The following C12orf42 variants were observed in gnomAD, a reference collection of about 807,000 sequenced individuals.
C12orf42 encodes the protein uncharacterized protein C12orf42.
Under a neutral mutation model 21.6 loss-of-function variants are expected in C12orf42, and 25 were observed. The ratio of observed to expected loss-of-function variants is 1.16; its 90% CI spans 0.84 to 1.62. The LOEUF is 1.62. Among genes scored for constraint, C12orf42 ranks in the 40% most tolerant of loss-of-function variants. The pLI is 0.00. For synonymous variants in C12orf42, 174 were observed against 175.0 expected, an observed-to-expected ratio of 0.99 and a Z score of 0.05; for missense variants, 483 against 459.3, an observed-to-expected ratio of 1.05 and a Z score of -0.47.
chr12:103,365,259 T>A (rs188190058), intron 4 of C12orf42, among the ~76,000 whole-genome samples: 34 of 152,168 alleles, frequency 2.2e-4, no homozygotes, highest in Non-Finnish European at 2.1e-4. Flanking sequence ...AAAAAGCATT[T>A]GACAAAATCC....
the C12orf42 span, among the ~76,000 whole-genome samples, chr12:103,537,911 A>C: frequency 1.3e-5 from 2 of 152,250 alleles, no homozygotes; most frequent in Non-Finnish European, 2.9e-5. Context: ...TATCTTAAAA[A>C]GGGAGATTTG....
intron 2 of C12orf42, among the ~76,000 whole-genome samples, chr12:103,469,869 A>C (rs1241956260): frequency 6.6e-6 from 1 of 152,262 alleles, no homozygotes; most frequent in Non-Finnish European, 1.5e-5. Flanking sequence ...TTGACTGGTA[A>C]AATGACAGAT....
Position 103,306,266 on chromosome 12 carries a change from A to C in C12orf42, c.339T>G (p.Ser113=). The change falls in exon 5 of 6, where the codon TCT becomes TCG. Residue 113 remains serine, a synonymous_variant. Coordinates refer to ENST00000548883, the MANE Select transcript of C12orf42 (RefSeq NM_198521.5). The part of the protein sequence containing the change: ...HTCQYIVPRC[S]VSTVSFDEES... ...CTTCATCAAAAGAAACTGTGCTTAC[A>C]GAACACCTGGGGACTATGTACTGGC... is the stretch of plus-strand genomic sequence containing the variant. The C allele has an allele frequency of 6.2e-7, 1 of 1,613,858 alleles. No homozygotes were observed. The highest frequency in any genetic ancestry group is 8.5e-7 in the Non-Finnish European group (1 of 1,179,842).
At chr12:103,509,181 G>A in the C12orf42 span, among the ~76,000 whole-genome samples, 1 of 152,018 alleles carries the variant, frequency 6.6e-6, no homozygotes, top group Admixed American at 6.6e-5. Flanking sequence ...TTCACACCAG[G>A]GTTTCCTCAT....
chr12:103,470,006 C>A (rs951567462), intron 2 of C12orf42, among the ~76,000 whole-genome samples: 1 of 152,196 alleles, frequency 6.6e-6, no homozygotes, highest in Non-Finnish European at 1.5e-5. Context: ...AAAGTGACTT[C>A]AAAGAGCATG....
the C12orf42 span, among the ~76,000 whole-genome samples, chr12:103,100,273 C>G: frequency 6.6e-6 from 1 of 152,196 alleles, no homozygotes; most frequent in Non-Finnish European, 1.5e-5. Context: ...GCTGTGAAGG[C>G]TTTGTGATTG....
the C12orf42 span, among the ~76,000 whole-genome samples, chr12:103,218,505 A>G: frequency 6.6e-6 from 1 of 152,104 alleles, no homozygotes; most frequent in Non-Finnish European, 1.5e-5. Flanking sequence ...GCCACTAAAT[A>G]CTAGTGGCAA....
intron 10 of C12orf42, among the ~76,000 whole-genome samples, chr12:103,246,097 C>T (rs1002226411): frequency 6.6e-6 from 1 of 152,080 alleles, no homozygotes; most frequent in African/African-American, 2.4e-5. Context: ...AGTTAGCTTG[C>T]TAACCAATTA....
At chr12:103,505,347 G>C in the C12orf42 span, 1 of 283,612 alleles carries the variant, frequency 3.5e-6, no homozygotes, top group South Asian at 3.2e-5. Context: ...CTGGACATTG[G>C]AGCAGAATAA....
intron 2 of C12orf42, among the ~76,000 whole-genome samples, chr12:103,414,316 A>G (rs879943553): frequency 6.7e-6 from 1 of 148,872 alleles, no homozygotes; most frequent in Admixed American, 6.7e-5. Flanking sequence ...TCCTTAGCCC[A>G]CTTTTTTATG....
chr12:103,340,844 T>C (rs976789972), intron 4 of C12orf42, among the ~76,000 whole-genome samples: 5 of 152,210 alleles, frequency 3.3e-5, no homozygotes, highest in African/African-American at 1.2e-4. Context: ...CTGGGCGCAG[T>C]GGCTCACGCC....
chr12:103,562,203 T>C, the C12orf42 span, among the ~76,000 whole-genome samples: 2 of 152,326 alleles, frequency 1.3e-5, no homozygotes, highest in Non-Finnish European at 2.9e-5. Flanking sequence ...CAATTACTGA[T>C]GCTGGAGTGT....
At chr12:103,411,694 C>G (rs1318106074) in intron 2 of C12orf42, among the ~76,000 whole-genome samples, 4 of 152,132 alleles carry the variant, frequency 2.6e-5, no homozygotes, top group African/African-American at 9.7e-5. Flanking sequence ...AGAAAGCAAG[C>G]CCTCACCACT....
chr12:103,385,515 C>A (rs1035026461), intron 3 of C12orf42, among the ~76,000 whole-genome samples: 2 of 152,108 alleles, frequency 1.3e-5, no homozygotes, highest in African/African-American at 4.8e-5. Context: ...TTAAAAGTAA[C>A]CCATTAGTAG....
the C12orf42 span, among the ~76,000 whole-genome samples, chr12:103,506,857 A>AATATATATATAT: frequency 1.1e-3 from 85 of 77,014 alleles, 1 homozygote; most frequent in African/African-American, 4.7e-3. Context: ...ATATTTATAT[A>AATATATATATAT]TTATATATAT....
chr12:103,507,477 C>G, the C12orf42 span, among the ~76,000 whole-genome samples: 9 of 142,512 alleles, frequency 6.3e-5, no homozygotes, highest in Admixed American at 6.8e-4. Context: ...CAAGACCAGC[C>G]CGGGTAACAT....
intron 1 of C12orf42, among the ~76,000 whole-genome samples, chr12:103,487,871 C>T (rs1954940883): frequency 1.3e-5 from 2 of 152,160 alleles, no homozygotes; most frequent in African/African-American, 4.8e-5. Context: ...GATGGGTCTC[C>T]TGAATACAGC....
intron 4 of C12orf42, among the ~76,000 whole-genome samples, chr12:103,359,514 A>G (rs1186425151): frequency 6.6e-6 from 1 of 152,116 alleles, no homozygotes; most frequent in African/African-American, 2.4e-5. Flanking sequence ...ATATACAAGG[A>G]TGCATTACAC....
the C12orf42 span, among the ~76,000 whole-genome samples, chr12:103,061,056 G>C: frequency 6.6e-6 from 1 of 152,130 alleles, no homozygotes; most frequent in Non-Finnish European, 1.5e-5. Context: ...CACGTTTCCT[G>C]CTCATTCTCT....
Sources: allele counts gnomAD v4.1 joint callset (sites outside exome capture counted in the v4.1 genomes callset), GRCh38; gene constraint gnomAD v4.1.1; transcripts MANE v1.5; gene names NCBI Gene and HGNC (gene_info 2026-07-23, HGNC 2026-07-21).